The following CADM2 variants were observed in gnomAD, a reference collection of about 807,000 sequenced individuals.
The protein encoded by CADM2 is cell adhesion molecule 2.
A neutral mutation model predicts 49.8 loss-of-function variants in CADM2; 12 were observed. The observed-to-expected ratio is 0.24, with a 90% CI of 0.15 to 0.39. The LOEUF (loss-of-function observed/expected upper bound fraction) is 0.39. Among genes scored for constraint, CADM2 ranks in the 10% least tolerant of loss-of-function variants. CADM2 has a pLI of 1.00. For missense variants in CADM2, 378 were observed against 492.3 expected (o/e 0.77, Z 2.20); for synonymous variants, 214 against 175.4 (o/e 1.22, Z -1.74).
At chr3:85,504,949 AGGGCCGGCCGGCT>A (rs1365244740) in intron 1 of CADM2, among the ~76,000 whole-genome samples, 2 of 152,068 alleles carry the variant, frequency 1.3e-5, no homozygotes, top group African/African-American at 4.8e-5. Flanking sequence ...CGGGGCCGGC[AGGGCCGGCCGGCT>A]GCTTCGCGTG....
chr3:85,089,336 C>G (rs1411560086), intron 1 of CADM2, among the ~76,000 whole-genome samples: 1 of 151,902 alleles, frequency 6.6e-6, no homozygotes, highest in Non-Finnish European at 1.5e-5. Flanking sequence ...GAAAAATTGC[C>G]CCATTTTTCT....
At chr3:86,029,960 G>C (rs564133236) in intron 8 of CADM2, among the ~76,000 whole-genome samples, 1 of 152,136 alleles carries the variant, frequency 6.6e-6, no homozygotes, top group African/African-American at 2.4e-5. Flanking sequence ...CTTTCTGAAA[G>C]CAAGCAGAGG....
At chr3:85,886,843 C>A (rs1489475085) in intron 5 of CADM2, among the ~76,000 whole-genome samples, 1 of 152,064 alleles carries the variant, frequency 6.6e-6, no homozygotes, top group African/African-American at 2.4e-5. Context: ...ACTTTAAATT[C>A]TTTATACATC....
chr3:85,294,241 A>G (rs548074071), intron 1 of CADM2, among the ~76,000 whole-genome samples: 1 of 152,328 alleles, frequency 6.6e-6, no homozygotes, highest in African/African-American at 2.4e-5. Flanking sequence ...AGGGATGTAA[A>G]GGACCTCTTC....
chr3:85,377,303 A>C (rs1233105913), intron 1 of CADM2, among the ~76,000 whole-genome samples: 1 of 152,100 alleles, frequency 6.6e-6, no homozygotes, highest in African/African-American at 2.4e-5. Flanking sequence ...AGATAGCGGA[A>C]TTAGTGTCTA....
intron 1 of CADM2, among the ~76,000 whole-genome samples, chr3:85,376,704 G>A (rs923046458): frequency 6.6e-6 from 1 of 152,018 alleles, no homozygotes; most frequent in Non-Finnish European, 1.5e-5. Context: ...GGAGATCATT[G>A]TTTGGCTATC....
At chr3:85,265,606 A>G (rs376681476) in intron 1 of CADM2, among the ~76,000 whole-genome samples, 1 of 152,048 alleles carries the variant, frequency 6.6e-6, no homozygotes, top group African/African-American at 2.4e-5. Context: ...CTCATGAACT[A>G]ATCACCAATT....
intron 8 of CADM2, among the ~76,000 whole-genome samples, chr3:86,016,784 G>A (rs1413618995): frequency 1.3e-5 from 2 of 152,052 alleles, no homozygotes; most frequent in African/African-American, 2.4e-5. Flanking sequence ...ATATGTCGCT[G>A]CTATATAATC....
intron 1 of CADM2, among the ~76,000 whole-genome samples, chr3:85,192,932 TC>T (rs1194405953): frequency 6.6e-6 from 1 of 152,044 alleles, no homozygotes; most frequent in Non-Finnish European, 1.5e-5. Context: ...TTAAGGAGAT[TC>T]TTCTGGAAAT....
intron 1 of CADM2, among the ~76,000 whole-genome samples, chr3:85,485,568 A>T (rs1437069965): frequency 2.0e-5 from 3 of 152,090 alleles, no homozygotes; most frequent in Non-Finnish European, 2.9e-5. Context: ...AATGTCATGT[A>T]GCAATATAAT....
chr3:85,515,233 A>G (rs545933522), intron 1 of CADM2, among the ~76,000 whole-genome samples: 5 of 152,242 alleles, frequency 3.3e-5, no homozygotes, highest in Admixed American at 2.0e-4. Context: ...CATTTAGGCT[A>G]TAATTTGAGA....
At chr3:85,532,949 G>T (rs2061347878) in intron 1 of CADM2, among the ~76,000 whole-genome samples, 1 of 152,178 alleles carries the variant, frequency 6.6e-6, no homozygotes, top group Non-Finnish European at 1.5e-5. Context: ...GTGGGAGCTA[G>T]ATGATGAGGA....
intron 1 of CADM2, among the ~76,000 whole-genome samples, chr3:85,223,657 G>C (rs751999328): frequency 1.3e-5 from 2 of 151,932 alleles, no homozygotes; most frequent in Non-Finnish European, 2.9e-5. Flanking sequence ...ACAACATGCA[G>C]GTTTGTTACA....
chr3:85,854,446 G>A (rs546441041), intron 3 of CADM2, among the ~76,000 whole-genome samples: 81 of 152,244 alleles, frequency 5.3e-4, no homozygotes, highest in African/African-American at 1.9e-3. Context: ...ATACTATGCA[G>A]CCATAAAAAA....
At chr3:85,093,149 C>T (rs866169000) in intron 1 of CADM2, among the ~76,000 whole-genome samples, 3 of 152,254 alleles carry the variant, frequency 2.0e-5, no homozygotes, top group Middle Eastern at 6.8e-3. Flanking sequence ...TGTACTTTTA[C>T]CGTAGGAACT....
At chr3:85,833,596 C>T (rs1438935776) in intron 3 of CADM2, among the ~76,000 whole-genome samples, 3 of 151,574 alleles carry the variant, frequency 2.0e-5, no homozygotes, top group African/African-American at 4.8e-5. Context: ...TTTATTTCCT[C>T]TAAAGTTTTC....
At chr3:85,439,051 G>T (rs2037062239) in intron 1 of CADM2, among the ~76,000 whole-genome samples, 1 of 151,638 alleles carries the variant, frequency 6.6e-6, no homozygotes, top group African/African-American at 2.4e-5. Context: ...GATAGAGCTC[G>T]ATAGATAATT....
intron 1 of CADM2, among the ~76,000 whole-genome samples, chr3:85,088,155 A>G (rs929108577): frequency 1.3e-5 from 2 of 152,142 alleles, no homozygotes; most frequent in Admixed American, 1.3e-4. Context: ...TAGATTCTAT[A>G]TACTTTTTTG....
At chr3:85,089,714 C>A (rs1028309632) in intron 1 of CADM2, among the ~76,000 whole-genome samples, 1 of 152,050 alleles carries the variant, frequency 6.6e-6, no homozygotes, top group Non-Finnish European at 1.5e-5. Context: ...GGCTTCCAGA[C>A]TTTCTGTACG....
Sources: gnomAD v4.1 joint callset for allele counts (sites outside exome capture counted in the v4.1 genomes callset) on GRCh38, gnomAD v4.1.1 for gene constraint, MANE v1.5 for transcripts, NCBI Gene and HGNC (gene_info 2026-07-23, HGNC 2026-07-21) for gene names.